The following TRPM7 variants were observed in gnomAD, a reference collection of about 807,000 sequenced individuals.
The protein encoded by TRPM7 is transient receptor potential cation channel subfamily M member 7.
TRPM7 carries 134 observed loss-of-function variants against 229.7 expected under a neutral mutation model. That is an observed-to-expected ratio of 0.58 (90% confidence interval 0.51 to 0.67). TRPM7 has a LOEUF of 0.67. Ranked by LOEUF, TRPM7 falls within the 30% of genes least tolerant of loss-of-function variation. TRPM7 has a pLI of 0.00. For missense variants in TRPM7, 1,901 were observed against 2,210.0 expected, an observed-to-expected ratio of 0.86 and a Z score of 2.80; for synonymous variants, 699 against 715.2, an observed-to-expected ratio of 0.98 and a Z score of 0.36.
Position 50,570,084 on chromosome 15 carries a change from A to T in TRPM7, c.5360+20T>A. The T allele has an allele frequency of 1.2e-6, 2 of 1,602,524 alleles. No individual in the cohort carries two copies. The highest frequency in any genetic ancestry group is 8.5e-7 in the Non-Finnish European group (1 of 1,175,476). ...TAAAATGTGAAATTATGCCTTAATG[A>T]AATAGTTAAAACTTATTACCTCTTT... is the stretch of plus-strand genomic sequence containing the variant. On this transcript the variant is annotated intron_variant, in intron 37 of 38. Coordinates refer to ENST00000646667, the MANE Select transcript of TRPM7 (RefSeq NM_017672.6).
chr15:50,574,164 C>T, intron 36 of TRPM7, 110 bp downstream of exon 36: 2 of 852,006 alleles, frequency 2.3e-6, no homozygotes, highest in Admixed American at 2.4e-5. Context: ...TTTATAGCTT[C>T]TATTGGCCTA....
chr15:50,683,220 A>AC (rs1322447368), intron 1 of TRPM7, among the ~76,000 whole-genome samples: 19 of 127,920 alleles, frequency 1.5e-4, no homozygotes, highest in African/African-American at 5.1e-4. Flanking sequence ...TTGACATTTA[A>AC]CAGGCAGTCA....
At chr15:50,610,025 C>A in intron 17 of TRPM7, 64 bp from the exon 18 acceptor site, 3 of 1,162,856 alleles carry the variant, frequency 2.6e-6, no homozygotes, top group Non-Finnish European at 3.6e-6. Flanking sequence ...ATAATAAAAA[C>A]AAAACAAAGA....
intron 21 of TRPM7, among the ~76,000 whole-genome samples, chr15:50,602,967 T>C (rs1438793936): frequency 6.6e-6 from 1 of 152,196 alleles, no homozygotes; most frequent in African/African-American, 2.4e-5. Flanking sequence ...ACTGAGTCAC[T>C]AAATAACCTG....
intron 3 of TRPM7, among the ~76,000 whole-genome samples, chr15:50,651,119 A>G (rs1233711690): frequency 1.3e-5 from 2 of 152,114 alleles, no homozygotes; most frequent in Admixed American, 1.3e-4. Context: ...CCCAGGAGGC[A>G]GAGGTTGCAG....
chr15:50,651,914 AAAT>A (rs1211271467), intron 3 of TRPM7, among the ~76,000 whole-genome samples: 2 of 151,880 alleles, frequency 1.3e-5, no homozygotes, highest in Admixed American at 1.3e-4. Flanking sequence ...TAAATAAATA[AAAT>A]AATAATTTTC....
intron 7 of TRPM7, among the ~76,000 whole-genome samples, chr15:50,636,734 T>C (rs2060918883): frequency 6.6e-6 from 1 of 152,190 alleles, no homozygotes; most frequent in Non-Finnish European, 1.5e-5. Flanking sequence ...GTGATACTCA[T>C]TTCATAAATT....
At chr15:50,577,963 G>T (rs2054215674) in intron 31 of TRPM7, among the ~76,000 whole-genome samples, 1 of 152,120 alleles carries the variant, frequency 6.6e-6, no homozygotes, top group Non-Finnish European at 1.5e-5. Context: ...ACACAGAACA[G>T]TATATACTGT....
intron 6 of TRPM7, 75 bp from the exon 7 acceptor site, chr15:50,637,668 C>G: frequency 2.3e-6 from 3 of 1,282,284 alleles, no homozygotes; most frequent in Non-Finnish European, 3.2e-6. Context: ...TTGAAATAAT[C>G]CGTAAAGACA....
Position 50,575,910 on chromosome 15 carries a change from G to C in TRPM7, c.4628C>G (p.Ser1543Cys). The C allele has an allele frequency of 6.2e-7, 1 of 1,613,272 alleles. No homozygotes were observed. Among genetic ancestry groups the C allele is most frequent in the Non-Finnish European group, 8.5e-7 (1 of 1,179,628 alleles). ...TGTATCCATAGCTGGCTTAAATGGA[G>C]AAGTGAGACCTAGAATGGCAAATAA... ...SEEGTLNGLTSPFKPAMDTNY... is the reference protein window; with the variant it reads ...SEEGTLNGLTCPFKPAMDTNY... Residue 1543 changes from serine (S) to cysteine (C), a missense_variant, in exon 32 of 39, where the codon TCT becomes TGT. Coordinates refer to ENST00000646667, the MANE Select transcript of TRPM7 (RefSeq NM_017672.6).
intron 30 of TRPM7, among the ~76,000 whole-genome samples, chr15:50,579,876 C>A (rs188125861): frequency 6.4e-4 from 98 of 152,244 alleles, no homozygotes; most frequent in East Asian, 3.9e-4. Flanking sequence ...GCTCACTACT[C>A]CTGCGCTCAA....
chr15:50,639,058 A>T (rs1176221192), intron 6 of TRPM7, among the ~76,000 whole-genome samples: 1 of 152,226 alleles, frequency 6.6e-6, no homozygotes, highest in Non-Finnish European at 1.5e-5. Flanking sequence ...AAACACTAGC[A>T]TTTAACTCCT....
In TRPM7 at chr15:50,611,217, G is replaced by A. The variant is rs767918848; in HGVS notation, c.2156C>T (p.Ser719Leu). The A allele has an allele frequency of 1.2e-6, 2 of 1,613,938 alleles. No individual in the cohort carries two copies. Among genetic ancestry groups the A allele is most frequent in the South Asian group, 2.2e-5 (2 of 91,074 alleles). Residue 719 changes from serine to leucine, a missense_variant, in exon 17 of 39, where the codon TCA becomes TTA. By Grantham distance (145) the Ser-to-Leu change is moderately radical. Coordinates refer to ENST00000646667, the MANE Select transcript of TRPM7 (RefSeq NM_017672.6). ...LTYELKNWSNSTCLKLAVSSR... is the reference protein window; with the variant it reads ...LTYELKNWSNLTCLKLAVSSR... Reference sequence around the variant, plus strand: ...AGAAACTGCTAACTTAAGGCAGGTTGAATTACTCCAGTTCTTCAGTTCATA... The same window carrying A: ...AGAAACTGCTAACTTAAGGCAGGTTAAATTACTCCAGTTCTTCAGTTCATA...
chr15:50,574,307 T>C lies in TRPM7; in HGVS notation c.5275A>G (p.Thr1759Ala), dbSNP rs746415696. ...LAFSHWTYEY[T>A]RGELLVLDLQ... ...TCAAGTACCAGTAACTCCCCTCTTG[T>C]ATATTCGTAAGTCCAGTGGCTAAAG... The change falls in exon 36 of 39, where the codon ACA becomes GCA. Residue 1759 changes from threonine (T) to alanine (A), a missense_variant. Coordinates refer to ENST00000646667, the MANE Select transcript of TRPM7 (RefSeq NM_017672.6). 1.9e-6 allele frequency: 3 copies of C among 1,614,012 alleles called. No homozygotes were observed. The highest frequency in any genetic ancestry group is 1.7e-6 in the Non-Finnish European group (2 of 1,179,926).
At chr15:50,598,438 A>T (rs1298234478) in intron 22 of TRPM7, among the ~76,000 whole-genome samples, 1 of 152,214 alleles carries the variant, frequency 6.6e-6, no homozygotes, top group African/African-American at 2.4e-5. Context: ...CACAAGCTGC[A>T]ACAAAAATCT....
chr15:50,630,174 T>C (rs2060689481), intron 10 of TRPM7, among the ~76,000 whole-genome samples: 1 of 152,146 alleles, frequency 6.6e-6, no homozygotes, highest in African/African-American at 2.4e-5. Context: ...ACTTTTTATT[T>C]TTATGCACTC....
Position 50,592,036 on chromosome 15 carries a change from T to G in TRPM7, c.4199A>C (p.Lys1400Thr). Residue 1400 changes from lysine (K) to threonine (T), a missense_variant, in exon 26 of 39, where the codon AAA (lysine) becomes ACA (threonine). Physicochemically the swap from Lys to Thr is moderately conservative, Grantham distance 78. This residue lies in a region of TRPM7 where 533 missense variants were observed against 497.1 expected (regional missense o/e 1.07). Transcript: ENST00000646667. Reference sequence around the variant, plus strand: ...CTGAGATGGTGTACTAACAAAAAATTTGGTTGGTGGGGATGACAGATGTGG... The same window carrying G: ...CTGAGATGGTGTACTAACAAAAAATGTGGTTGGTGGGGATGACAGATGTGG... ...SIPHLSSPPT[K>T]FFVSTPSQPS... is the part of the protein sequence containing the mutation. 3 of 1,613,360 alleles carry G rather than the reference T, an allele frequency of 1.9e-6. No homozygotes were observed. The highest frequency in any genetic ancestry group is 2.5e-6 in the Non-Finnish European group (3 of 1,179,724).
chr15:50,669,148 G>A (rs2061939824), intron 1 of TRPM7, among the ~76,000 whole-genome samples: 3 of 152,126 alleles, frequency 2.0e-5, no homozygotes, highest in East Asian at 1.9e-4. Flanking sequence ...GAGGTCAGGC[G>A]CAGTGGCTCA....
chr15:50,615,756 T>G (rs932135299), intron 13 of TRPM7, among the ~76,000 whole-genome samples: 3 of 151,836 alleles, frequency 2.0e-5, no homozygotes, highest in African/African-American at 7.3e-5. Flanking sequence ...ATTAGCTGGG[T>G]GTGGTGGAGG....
Sources: allele counts gnomAD v4.1 joint callset (sites outside exome capture counted in the v4.1 genomes callset), GRCh38; gene constraint gnomAD v4.1.1; regional missense constraint gnomAD v4.1.1; transcripts MANE v1.5; gene names NCBI Gene and HGNC (gene_info 2026-07-23, HGNC 2026-07-21).